RBP3: variants seen among roughly 807,000 people sequenced by gnomAD.
RBP3 encodes the protein retinol-binding protein 3.
In RBP3, 50 loss-of-function variants were observed where a neutral mutation model predicts 64.8. That is an observed-to-expected ratio of 0.77 (90% CI 0.61 to 0.98). The LOEUF (loss-of-function observed/expected upper bound fraction) is 0.98. Ranked by LOEUF, RBP3 falls within the 50% of genes least tolerant of loss-of-function variation. RBP3 has a pLI of 0.00. For synonymous variants in RBP3, 828 were observed against 730.2 expected, an observed-to-expected ratio of 1.13 and a Z score of -2.16; for missense variants, 1,712 against 1,660.5, an observed-to-expected ratio of 1.03 and a Z score of -0.54.
intron 1 of RBP3, among the ~76,000 whole-genome samples, 169 bp downstream of exon 1, chr10:47,351,707 C>A (rs183513126): frequency 1.3e-5 from 2 of 152,296 alleles, no homozygotes; most frequent in African/African-American, 4.8e-5. Context: ...GTTCCATCCA[C>A]TCTCTGTGAC....
At position 47,349,256 on chromosome 10, in the gene RBP3, C is replaced by A. The variant is rs563042955; in HGVS notation, c.772C>A (p.Arg258=). ...QMRRAIVVGE[R]TGGGALDLRK... ...GCGCAGGGCCATCGTGGTGGGCGAG[C>A]GGACTGGGGGAGGGGCCCTGGACCT... Residue 258 remains arginine (R), a synonymous_variant, in exon 1 of 4, where the codon CGG becomes AGG. Transcript: ENST00000584701. The A allele has an allele frequency of 1.2e-6, 2 of 1,613,118 alleles. No homozygotes were observed. Among genetic ancestry groups the A allele is most frequent in the Non-Finnish European group, 8.5e-7 (1 of 1,179,984 alleles).
In RBP3 at chr10:47,348,648, C is replaced by T; in HGVS notation, c.164C>T (p.Ala55Val). 1 of 1,613,516 alleles carries T rather than the reference C, an allele frequency of 6.2e-7. No homozygotes were observed. The highest frequency in any genetic ancestry group is 8.5e-7 in the Non-Finnish European group (1 of 1,180,018). The change falls in exon 1 of 4, where the codon GCC (alanine) becomes GTC (valine). Residue 55 changes from alanine to valine, a missense_variant. Ala to Val is a moderately conservative substitution (Grantham distance 64). Transcript: ENST00000584701. Reference sequence around the variant, plus strand: ...GGCATGCAGGAAGCCATCCAGCAGGCCATCAAGAGCCATGAGATTCTGAGC... The same window carrying T: ...GGCATGCAGGAAGCCATCCAGCAGGTCATCAAGAGCCATGAGATTCTGAGC... The part of the protein sequence containing the change: ...LLGMQEAIQQ[A>V]IKSHEILSIS...
In RBP3 at chr10:47,348,435, C is replaced by A. The variant is rs1836889329; in HGVS notation, c.-50C>A. The A allele has an allele frequency of 1.9e-6, 3 of 1,588,150 alleles. No homozygotes were observed. The highest frequency in any genetic ancestry group is 2.7e-5 in the African/African-American group (2 of 74,648). On this transcript the variant is annotated 5_prime_UTR_variant, in exon 1 of 4. Transcript: ENST00000584701. ...CACAGAGCAGGGCCACGGCCTTGCA[C>A]ACAGTCCAGGGAGCTTTTGTGCAGG...
At position 47,357,667 on chromosome 10, in the gene RBP3, T is replaced by C. The variant is rs1433690373; in HGVS notation, c.*210T>C. ...GTGTATGTATATATATGTATATATA[T>C]ATGGCTTTCCAATAACCACCTAAAT... On this transcript the variant is annotated 3_prime_UTR_variant, in exon 4 of 4. Transcript: ENST00000584701. The C allele has an allele frequency of 2.2e-6, 1 of 451,684 alleles. No individual in the cohort carries two copies. Among genetic ancestry groups the C allele is most frequent in the Non-Finnish European group, 3.9e-6 (1 of 257,246 alleles). 28.0% of individuals were successfully genotyped at this position (451,684 alleles called of 1,614,324 possible). A position where few individuals can be genotyped will look rare whatever the true frequency, so the allele number is the denominator to read the frequency against.
At chr10:47,355,290 G>T in intron 2 of RBP3, 86 bp from the exon 3 acceptor site, 1 of 1,570,800 alleles carries the variant, frequency 6.4e-7, no homozygotes, top group Admixed American at 1.7e-5. Context: ...ACCCTCCATG[G>T]GACAAAGATC....
At position 47,348,955 on chromosome 10, in the gene RBP3, G is replaced by C; in HGVS notation, c.471G>C (p.Gly157=). 1 of 1,613,914 alleles carries C rather than the reference G, an allele frequency of 6.2e-7. No homozygotes were observed. The highest frequency in any genetic ancestry group is 1.1e-5 in the South Asian group (1 of 91,088). Residue 157 remains glycine (G), a synonymous_variant, in exon 1 of 4, where the codon GGG becomes GGC. Coordinates refer to ENST00000584701, the MANE Select transcript of RBP3 (RefSeq NM_002900.3). ...MGEFLVAHVW[G]NLMGTSALVL... Reference sequence around the variant, plus strand: ...AGTTCCTGGTGGCCCACGTGTGGGGGAATCTCATGGGCACCTCCGCCTTAG... The same window carrying C: ...AGTTCCTGGTGGCCCACGTGTGGGGCAATCTCATGGGCACCTCCGCCTTAG...
Position 47,349,880 on chromosome 10 carries a change from G to A in RBP3, c.1396G>A (p.Glu466Lys), listed in dbSNP as rs1836930681. The change falls in exon 1 of 4, where the codon GAG (glutamate) becomes AAG (lysine). Residue 466 changes from glutamate (E) to lysine (K), a missense_variant. Transcript: ENST00000584701. ...LAPYVLRQVW[E>K]PLQDTEHLIM... ...CCCATATGTCCTGCGCCAGGTGTGG[G>A]AGCCGCTACAGGACACGGAGCACCT... is the stretch of plus-strand genomic sequence containing the variant. The A allele has an allele frequency of 6.2e-7, 1 of 1,613,198 alleles. No individual in the cohort carries two copies.
rs782409386 is a variant in RBP3, at chr10:47,350,951, G to A, written c.2467G>A (p.Val823Met). Residue 823 changes from valine (V) to methionine (M), a missense_variant, in exon 1 of 4, where the codon GTG becomes ATG. Val to Met is a conservative substitution (Grantham distance 21). Coordinates refer to ENST00000584701, the MANE Select transcript of RBP3 (RefSeq NM_002900.3). Reference sequence around the variant, plus strand: ...CAGGGCCACCTCAAAAGTCACGGAGGTGTGGACCTTGCCCCAGGTCGCCGG... The same window carrying A: ...CAGGGCCACCTCAAAAGTCACGGAGATGTGGACCTTGCCCCAGGTCGCCGG... Reference protein sequence around the residue: ...FDRATSKVTEVWTLPQVAGQR... With the variant: ...FDRATSKVTEMWTLPQVAGQR... 3.1e-6 allele frequency: 5 copies of A among 1,612,930 alleles called. No homozygotes were observed. The highest frequency in any genetic ancestry group is 4.2e-6 in the Non-Finnish European group (5 of 1,180,018).
At position 47,350,636 on chromosome 10, in the gene RBP3, C is replaced by T; in HGVS notation, c.2152C>T (p.Pro718Ser). 6.2e-7 allele frequency: 1 copy of T among 1,612,898 alleles called. No homozygotes were observed. The highest frequency in any genetic ancestry group is 1.1e-5 in the South Asian group (1 of 91,078). Residue 718 changes from proline to serine, a missense_variant, in exon 1 of 4, where the codon CCT becomes TCT. Transcript: ENST00000584701. ...LVVEEAPPPP[P>S]AVPSPEELTY... Reference sequence around the variant, plus strand: ...GGTAGAGGAAGCACCCCCACCACCCCCTGCTGTCCCCTCTCCAGAGGAGCT... The same window carrying T: ...GGTAGAGGAAGCACCCCCACCACCCTCTGCTGTCCCCTCTCCAGAGGAGCT...
chr10:47,357,068 T>G, intron 3 of RBP3, 34 bp from the exon 4 acceptor site: 1 of 1,582,596 alleles, frequency 6.3e-7, no homozygotes, highest in Non-Finnish European at 8.6e-7. Flanking sequence ...GGTCCTGACA[T>G]GACCCCCATC....
Position 47,350,985 on chromosome 10 carries a change from A to G in RBP3, c.2501A>G (p.Tyr834Cys). The G allele has an allele frequency of 6.2e-7, 1 of 1,611,792 alleles. No individual in the cohort carries two copies. Among genetic ancestry groups the G allele is most frequent in the African/African-American group, 1.3e-5 (1 of 75,058 alleles). The change falls in exon 1 of 4, where the codon TAC becomes TGC. Residue 834 changes from tyrosine (Y) to cysteine (C), a missense_variant. Coordinates refer to ENST00000584701, the MANE Select transcript of RBP3 (RefSeq NM_002900.3). ...TTGCCCCAGGTCGCCGGCCAGCGCT[A>G]CGGCTCACACAAGGACCTCTACATC... The part of the protein sequence containing the change: ...WTLPQVAGQR[Y>C]GSHKDLYILM...
chr10:47,348,427 G>A lies in RBP3; in HGVS notation c.-58G>A. ...GGCAGCTGCACAGAGCAGGGCCACGGCCTTGCACACAGTCCAGGGAGCTTT... is the reference window on the plus strand; with the variant it reads ...GGCAGCTGCACAGAGCAGGGCCACGACCTTGCACACAGTCCAGGGAGCTTT... On this transcript the variant is annotated 5_prime_UTR_variant, in exon 1 of 4. Coordinates refer to ENST00000584701, the MANE Select transcript of RBP3 (RefSeq NM_002900.3). The A allele has an allele frequency of 6.4e-7, 1 of 1,572,378 alleles. No individual in the cohort carries two copies. The highest frequency in any genetic ancestry group is 1.3e-5 in the African/African-American group (1 of 74,406).
Position 47,348,468 on chromosome 10 carries a change from C to A in RBP3, c.-17C>A. 1 of 1,599,516 alleles carries A rather than the reference C, an allele frequency of 6.3e-7. No homozygotes were observed. The highest frequency in any genetic ancestry group is 1.1e-5 in the South Asian group (1 of 90,984). ...AGGGAGCTTTTGTGCAGGAGCCAGG[C>A]CTCCCCCTGGGTCCCCATGATGAGA... On this transcript the variant is annotated 5_prime_UTR_variant, in exon 1 of 4. Coordinates refer to ENST00000584701, the MANE Select transcript of RBP3 (RefSeq NM_002900.3).
chr10:47,356,753 G>A (rs571461207), intron 3 of RBP3, among the ~76,000 whole-genome samples: 153 of 152,230 alleles, frequency 1.0e-3, no homozygotes, highest in African/African-American at 3.5e-3. Flanking sequence ...GCTTTTCTGA[G>A]TCCAAAGTGA....
rs1224130931 is a variant in RBP3 at position 47,349,356 on chromosome 10, G to C, written c.872G>C (p.Gly291Ala). 1 of 1,612,306 alleles carries C rather than the reference G, an allele frequency of 6.2e-7. No individual in the cohort carries two copies. The highest frequency in any genetic ancestry group is 1.3e-5 in the African/African-American group (1 of 74,936). ...TCCAGGTCCCTGGGGCCCCTTGGTG[G>C]AGGCAGCCAGACGTGGGAGGGCAGC... ...PVSRSLGPLGGGSQTWEGSGV... is the reference protein window; with the variant it reads ...PVSRSLGPLGAGSQTWEGSGV... The change falls in exon 1 of 4, where the codon GGA becomes GCA. Residue 291 changes from glycine (G) to alanine (A), a missense_variant. By Grantham distance (60) the Gly-to-Ala change is moderately conservative. Transcript: ENST00000584701.
In RBP3 at chr10:47,350,323, C is replaced by T. The variant is rs782278294; in HGVS notation, c.1839C>T (p.Pro613=). The T allele has an allele frequency of 1.9e-6, 3 of 1,611,044 alleles. No individual in the cohort carries two copies. Among genetic ancestry groups the T allele is most frequent in the South Asian group, 1.1e-5 (1 of 91,086 alleles). ...CCTGGCTGGGTGGTGGAGTGGTGCC[C>T]GATGCCATCGTGCTGGCCGAGGAGG... ...GEAWLGGGVV[P]DAIVLAEEAL... Residue 613 remains proline (P), a synonymous_variant, in exon 1 of 4, where the codon CCC becomes CCT. Coordinates refer to ENST00000584701, the MANE Select transcript of RBP3 (RefSeq NM_002900.3).
chr10:47,356,025 A>G (rs997570381), intron 3 of RBP3, among the ~76,000 whole-genome samples: 1 of 152,188 alleles, frequency 6.6e-6, no homozygotes, highest in Admixed American at 6.5e-5. Flanking sequence ...GAGCAAAGGC[A>G]GGCCCTGAGC....
chr10:47,349,400 G>C lies in RBP3; in HGVS notation c.916G>C (p.Gly306Arg), dbSNP rs781913933. The stretch of plus-strand genomic sequence containing the variant: ...GGGCAGCGGGGTGCTGCCCTGTGTG[G>C]GGACTCCGGCCGAGCAGGCCCTGGA... ...WEGSGVLPCVGTPAEQALEKA... is the reference protein window; with the variant it reads ...WEGSGVLPCVRTPAEQALEKA... Residue 306 changes from glycine (G) to arginine (R), a missense_variant, in exon 1 of 4, where the codon GGG becomes CGG. By Grantham distance (125) the Gly-to-Arg change is moderately radical (BLOSUM62 -2). Transcript: ENST00000584701. 1 of 1,611,938 alleles carries C rather than the reference G, an allele frequency of 6.2e-7. No individual in the cohort carries two copies. The highest frequency in any genetic ancestry group is 1.1e-5 in the South Asian group (1 of 91,078).
In RBP3 at chr10:47,357,171, A is replaced by T; in HGVS notation, c.3458A>T (p.Glu1153Val). The change falls in exon 4 of 4, where the codon GAG becomes GTG. Residue 1153 changes from glutamate to valine, a missense_variant. Physicochemically the swap from Glu to Val is moderately radical, Grantham distance 121. Transcript: ENST00000584701. ...TSSVTAGTAE[E>V]FTYIMKRLGR... ...AGTGTGACGGCCGGCACCGCGGAGG[A>T]GTTCACCTATATCATGAAGAGGCTG... is the stretch of plus-strand genomic sequence containing the variant. 1 of 1,613,708 alleles carries T rather than the reference A, an allele frequency of 6.2e-7. No individual in the cohort carries two copies. Among genetic ancestry groups the T allele is most frequent in the South Asian group, 1.1e-5 (1 of 91,070 alleles).
Sources: allele counts gnomAD v4.1 joint callset (sites outside exome capture counted in the v4.1 genomes callset), GRCh38; gene constraint gnomAD v4.1.1; transcripts MANE v1.5; gene names NCBI Gene and HGNC (gene_info 2026-07-23, HGNC 2026-07-21).